The following ACSF2 variants were observed in gnomAD, a reference collection of about 807,000 sequenced individuals.
ACSF2 encodes medium-chain acyl-CoA ligase ACSF2, mitochondrial.
Under a neutral mutation model 79.3 loss-of-function variants are expected in ACSF2, and 52 were observed. That is an observed-to-expected ratio of 0.66 (90% confidence interval 0.53 to 0.83). The LOEUF (loss-of-function observed/expected upper bound fraction) is 0.83, where lower values mean the gene tolerates loss of function less well. Among genes scored for constraint, ACSF2 ranks in the 40% least tolerant of loss-of-function variants. The probability of loss-of-function intolerance (pLI) is 0.00; values close to 1 mark genes in which losing one functional copy is unlikely to be tolerated. For missense variants in ACSF2, 661 were observed against 803.3 expected (o/e 0.82, Z 2.14); for synonymous variants, 283 against 312.6 (o/e 0.91, Z 1.00).
intron 10 of ACSF2, among the ~76,000 whole-genome samples, chr17:50,470,432 T>C (rs998703304): frequency 2.0e-5 from 3 of 152,128 alleles, no homozygotes; most frequent in African/African-American, 7.2e-5. Flanking sequence ...TTAAAATCAC[T>C]GCTTAGGTTG....
chr17:50,465,598 C>T (rs1221060180), intron 10 of ACSF2: 15 of 1,487,884 alleles, frequency 1.0e-5, no homozygotes, highest in Non-Finnish European at 1.2e-5. Flanking sequence ...GGGTCCCATG[C>T]TTATTAGGTA....
chr17:50,439,196 G>A (rs1393289190), intron 1 of ACSF2, among the ~76,000 whole-genome samples: 20 of 146,470 alleles, frequency 1.4e-4, no homozygotes, highest in Admixed American at 5.5e-4. Flanking sequence ...TCAACCTCCC[G>A]AGCAGCTGGA....
chr17:50,447,115 T>G (rs1012529644), intron 1 of ACSF2, among the ~76,000 whole-genome samples: 14 of 152,224 alleles, frequency 9.2e-5, no homozygotes, highest in Non-Finnish European at 1.6e-4. Context: ...AGAGTTACCC[T>G]ATGTCCTTGT....
chr17:50,464,149 G>A (rs2032531093), intron 9 of ACSF2, 69 bp from the exon 10 acceptor site: 35 of 1,502,716 alleles, frequency 2.3e-5, no homozygotes, highest in Non-Finnish European at 3.2e-5. Context: ...CCCTGAATGA[G>A]CTGTAGGTGA....
At chr17:50,453,278 G>A (rs1018816587) in intron 1 of ACSF2, among the ~76,000 whole-genome samples, 12 of 151,508 alleles carry the variant, frequency 7.9e-5, no homozygotes, top group Admixed American at 2.0e-4. Context: ...ACACAATCTC[G>A]GCTCACTGCA....
chr17:50,461,220 T>C (rs374094698), intron 2 of ACSF2, 22 bp from the exon 3 acceptor site: 5 of 1,614,002 alleles, frequency 3.1e-6, no homozygotes, highest in African/African-American at 2.7e-5. Flanking sequence ...TTTCACCCCT[T>C]GCGCCCCATC....
chr17:50,440,866 A>G (rs1598397611), intron 1 of ACSF2, among the ~76,000 whole-genome samples: 1 of 152,252 alleles, frequency 6.6e-6, no homozygotes, highest in East Asian at 1.9e-4. Context: ...ACAAGAGCAG[A>G]ACAATGAGAG....
At chr17:50,452,347 C>T (rs1193630982) in intron 1 of ACSF2, among the ~76,000 whole-genome samples, 1 of 151,974 alleles carries the variant, frequency 6.6e-6, no homozygotes, top group African/African-American at 2.4e-5. Context: ...GTTGGGGCAC[C>T]GTGGCTCATA....
chr17:50,465,147 A>G (rs1344411215), intron 10 of ACSF2: 7 of 881,284 alleles, frequency 7.9e-6, no homozygotes, highest in Non-Finnish European at 1.0e-5. Flanking sequence ...CCTCCCTTCA[A>G]CAGGGGACCC....
In ACSF2 at chr17:50,463,313, G is replaced by A. The variant is rs1309830505; in HGVS notation, c.888+62G>A. 4 of 1,610,232 alleles carry A rather than the reference G, an allele frequency of 2.5e-6. No homozygotes were observed. The African/African-American group carries it at 5.3e-5, about 22-fold the overall frequency. ...GGGGTGGCTCAGGCAGGGGTGGGGGGCTGGCTGGGCTCCCCTTGCCAGCTA... is the reference window on the plus strand; with the variant it reads ...GGGGTGGCTCAGGCAGGGGTGGGGGACTGGCTGGGCTCCCCTTGCCAGCTA... On this transcript the variant is annotated intron_variant, in intron 7 of 15. Coordinates refer to ENST00000300441, the MANE Select transcript of ACSF2 (RefSeq NM_025149.6). This position sits in a 1 kb window ranked among gnomAD's most constrained non-coding sequence, Gnocchi z 4.6.
intron 10 of ACSF2, chr17:50,464,858 C>T (rs939897601): frequency 2.5e-5 from 9 of 357,686 alleles, no homozygotes; most frequent in Non-Finnish European, 4.9e-5. Flanking sequence ...CCTTCCTTCT[C>T]CCCAGGACAC....
chr17:50,439,042 T>C (rs1332158987), intron 1 of ACSF2, among the ~76,000 whole-genome samples: 2 of 152,096 alleles, frequency 1.3e-5, no homozygotes, highest in African/African-American at 4.8e-5. Flanking sequence ...TTGGATTTTT[T>C]TGTGTATCAA....
In ACSF2 at chr17:50,426,492, T is replaced by TG. The variant is rs1440015837; in HGVS notation, c.128+109dup. 1.1e-5 allele frequency: 14 copies of TG among 1,230,860 alleles called. No individual in the cohort carries two copies. In the African/African-American group the frequency reaches 1.6e-4, roughly 14 times the overall value. The allele number at this position is 1,230,860 out of a possible 1,614,324, so 76.2% of individuals were successfully genotyped here. A position where few individuals can be genotyped will look rare whatever the true frequency, so the allele number is the denominator to read the frequency against. ...AAGCCCCACCTCTGGACGAGTGCAC[T>TG]GGGGGGAAGGTACCCGCCCCTCCCC... On this transcript the variant is annotated intron_variant, in intron 1 of 15. Coordinates refer to ENST00000300441, the MANE Select transcript of ACSF2 (RefSeq NM_025149.6).
chr17:50,461,655 A>G lies in ACSF2; in HGVS notation c.476A>G (p.Gln159Arg). 1.9e-6 allele frequency: 3 copies of G among 1,614,066 alleles called. No homozygotes were observed. The highest frequency in any genetic ancestry group is 2.5e-6 in the Non-Finnish European group (3 of 1,179,952). The change falls in exon 4 of 16, where the codon CAG becomes CGG. Residue 159 changes from glutamine (Q) to arginine (R), a missense_variant. Coordinates refer to ENST00000300441, the MANE Select transcript of ACSF2 (RefSeq NM_025149.6). ...IILVSVNPAY[Q>R]AMELEYVLKK... The stretch of plus-strand genomic sequence containing the variant: ...CAGGTGTCTGTGAACCCAGCCTACC[A>G]GGCTATGGAACTGGAGTATGTCCTC...
rs1375377550 is a variant in ACSF2 at position 50,461,297 on chromosome 17, T to C, written c.380T>C (p.Leu127Pro). ...ATTGGCCTCTGCAAAGGTGACCGGCTGGGCATGTGGGGACCTAACTCCTAT... is the reference window on the plus strand; with the variant it reads ...ATTGGCCTCTGCAAAGGTGACCGGCCGGGCATGTGGGGACCTAACTCCTAT... ...LSIGLCKGDR[L>P]GMWGPNSYAW... is the part of the protein sequence containing the mutation. The change falls in exon 3 of 16, where the codon CTG becomes CCG. Residue 127 changes from leucine to proline, a missense_variant. Physicochemically the swap from Leu to Pro is moderately conservative, Grantham distance 98. Coordinates refer to ENST00000300441, the MANE Select transcript of ACSF2 (RefSeq NM_025149.6). 9.3e-6 allele frequency: 15 copies of C among 1,614,094 alleles called. No homozygotes were observed. Among genetic ancestry groups the C allele is most frequent in the Non-Finnish European group, 1.3e-5 (15 of 1,180,030 alleles).
At chr17:50,470,878 G>C in intron 10 of ACSF2, 150 bp from the exon 11 acceptor site, 1 of 643,420 alleles carries the variant, frequency 1.6e-6, no homozygotes, top group South Asian at 1.8e-5. Flanking sequence ...CTGACCCCAG[G>C]CCCCTACCAA....
intron 1 of ACSF2, among the ~76,000 whole-genome samples, chr17:50,428,596 A>G (rs935432630): frequency 4.0e-4 from 61 of 151,948 alleles, no homozygotes; most frequent in African/African-American, 1.4e-3. Flanking sequence ...CAGACTGGCC[A>G]ACATGGAGAA....
chr17:50,464,655 G>T (rs2032563394), intron 10 of ACSF2: 2 of 478,868 alleles, frequency 4.2e-6, no homozygotes, highest in East Asian at 1.3e-4. Flanking sequence ...GAAGCAAGGG[G>T]TGGGGCAAGG....
At chr17:50,464,012 CAAGAAGGA>C in intron 9 of ACSF2, 103 bp downstream of exon 9, 1 of 453,870 alleles carries the variant, frequency 2.2e-6, no homozygotes, top group Non-Finnish European at 3.8e-6. Context: ...ATATAGGGGG[CAAGAAGGA>C]CGCTGTAAAA....
Sources: allele counts gnomAD v4.1 joint callset (sites outside exome capture counted in the v4.1 genomes callset), GRCh38; gene constraint gnomAD v4.1.1; non-coding constraint Gnocchi (gnomAD v3.1); transcripts MANE v1.5; gene names NCBI Gene and HGNC (gene_info 2026-07-23, HGNC 2026-07-21).